ITGA1: variants seen among roughly 807,000 people sequenced by gnomAD.
The protein encoded by ITGA1 is integrin subunit alpha 1, also known as integrin alpha-1.
A neutral mutation model predicts 145.9 loss-of-function variants in ITGA1; 85 were observed. The observed-to-expected ratio is 0.58, with a 90% CI of 0.49 to 0.70. The LOEUF (loss-of-function observed/expected upper bound fraction) is 0.70. ITGA1 is among the 30% of genes least tolerant of loss of function. The pLI is 0.00. For synonymous variants in ITGA1, 520 were observed against 495.3 expected, an observed-to-expected ratio of 1.05 and a Z score of -0.66; for missense variants, 1,351 against 1,418.7, an observed-to-expected ratio of 0.95 and a Z score of 0.77.
intron 1 of ITGA1, among the ~76,000 whole-genome samples, chr5:52,791,531 T>G (rs1476436595): frequency 2.0e-5 from 3 of 152,326 alleles, no homozygotes; most frequent in Admixed American, 6.5e-5. Context: ...GCCTTCCCAT[T>G]GGCCATCCCC....
intron 1 of ITGA1, among the ~76,000 whole-genome samples, chr5:52,807,862 G>T (rs1276919624): frequency 1.3e-5 from 2 of 152,040 alleles, no homozygotes; most frequent in Non-Finnish European, 2.9e-5. Flanking sequence ...ATTAAGTCAT[G>T]CACTATTACA....
chr5:52,895,279 A>G (rs1032378915), intron 9 of ITGA1, among the ~76,000 whole-genome samples: 1 of 152,060 alleles, frequency 6.6e-6, no homozygotes, highest in African/African-American at 2.4e-5. Flanking sequence ...AGAACACTCT[A>G]ATTGTTTATG....
At chr5:52,936,513 T>C (rs1750967099) in intron 23 of ITGA1, among the ~76,000 whole-genome samples, 1 of 152,120 alleles carries the variant, frequency 6.6e-6, no homozygotes, top group Middle Eastern at 3.2e-3. Flanking sequence ...TCTATCTATG[T>C]AGATCAAGGC....
At chr5:52,840,704 T>C (rs1362362725) in intron 1 of ITGA1, among the ~76,000 whole-genome samples, 2 of 152,008 alleles carry the variant, frequency 1.3e-5, no homozygotes, top group East Asian at 3.9e-4. Context: ...TGTAGAAAAA[T>C]TTTAAAGGAA....
intron 6 of ITGA1, among the ~76,000 whole-genome samples, chr5:52,873,354 C>T (rs1212656006): frequency 6.6e-6 from 1 of 152,192 alleles, no homozygotes; most frequent in South Asian, 2.1e-4. Context: ...TTTGTTTTAA[C>T]CTCTCCTATC....
chr5:52,893,003 T>C (rs1051499532), intron 8 of ITGA1, among the ~76,000 whole-genome samples: 21 of 151,616 alleles, frequency 1.4e-4, no homozygotes, highest in African/African-American at 4.9e-4. Context: ...CAATAAACCT[T>C]ACCTTAAAAA....
chr5:52,860,320 G>A (rs1749578211), intron 2 of ITGA1, among the ~76,000 whole-genome samples: 1 of 152,182 alleles, frequency 6.6e-6, no homozygotes, highest in African/African-American at 2.4e-5. Context: ...GGCCAAGGTG[G>A]GCGGATCACG....
chr5:52,904,681 C>G (rs1318726136), intron 11 of ITGA1: 1 of 152,052 alleles, frequency 6.6e-6, no homozygotes, highest in Non-Finnish European at 1.5e-5. Context: ...GGTGAAACCC[C>G]GTCTTACTAA....
At chr5:52,857,652 C>T (rs1749538169) in intron 2 of ITGA1, among the ~76,000 whole-genome samples, 1 of 152,106 alleles carries the variant, frequency 6.6e-6, no homozygotes, top group Non-Finnish European at 1.5e-5. Context: ...TCTGATTACC[C>T]TTGCCTAGTT....
intron 6 of ITGA1, among the ~76,000 whole-genome samples, chr5:52,869,660 C>T (rs1428896469): frequency 6.6e-6 from 1 of 152,126 alleles, no homozygotes; most frequent in African/African-American, 2.4e-5. Context: ...ACAGTAAGTC[C>T]TCAATGAGCA....
At chr5:52,840,322 C>T (rs921626833) in intron 1 of ITGA1, among the ~76,000 whole-genome samples, 24 of 152,134 alleles carry the variant, frequency 1.6e-4, no homozygotes, top group African/African-American at 5.1e-4. Context: ...TACGCCTTTC[C>T]GTATGCAGTG....
intron 2 of ITGA1, among the ~76,000 whole-genome samples, chr5:52,854,093 T>C (rs2111759011): frequency 6.6e-6 from 1 of 152,294 alleles, no homozygotes; most frequent in Admixed American, 6.5e-5. Context: ...ACTGGACCTG[T>C]CTGATCTCAA....
In ITGA1 at chr5:52,913,478, T is replaced by C. The variant is rs1389227850; in HGVS notation, c.1858-1986T>C. On this transcript the variant is annotated intron_variant, in intron 14 of 28. Transcript: ENST00000282588. Reference sequence around the variant, plus strand: ...AACTTCTGTTATTCCTGTTTGTAATTTGTTGTCAGTTAACAGCTCTAATCC... The same window carrying C: ...AACTTCTGTTATTCCTGTTTGTAATCTGTTGTCAGTTAACAGCTCTAATCC... Among the ~76,000 whole-genome samples, 3 of 152,308 alleles carry C rather than the reference T, an allele frequency of 2.0e-5. No individual in the cohort carries two copies. The East Asian group carries it at 5.8e-4, about 29-fold the overall frequency.
chr5:52,951,310 A>G (rs1009847167), intron 28 of ITGA1, among the ~76,000 whole-genome samples: 1 of 152,210 alleles, frequency 6.6e-6, no homozygotes, highest in Non-Finnish European at 1.5e-5. Flanking sequence ...CAAATTTGAA[A>G]AATCACTTAC....
chr5:52,875,286 A>C (rs901108128), intron 6 of ITGA1, among the ~76,000 whole-genome samples: 8 of 148,828 alleles, frequency 5.4e-5, no homozygotes, highest in South Asian at 2.1e-4. Flanking sequence ...AGTATTCCCA[A>C]AAAAAAAAAA....
intron 23 of ITGA1, 129 bp from the exon 24 acceptor site, chr5:52,937,272 T>C (rs1750982205): frequency 3.0e-6 from 2 of 671,864 alleles, no homozygotes; most frequent in Non-Finnish European, 5.3e-6. Context: ...CCATAAAGGA[T>C]CTACATTTGT....
intron 11 of ITGA1, among the ~76,000 whole-genome samples, chr5:52,899,078 C>T (rs1750275684): frequency 6.6e-6 from 1 of 152,114 alleles, no homozygotes; most frequent in Admixed American, 6.6e-5. Context: ...TAAAAAGGAC[C>T]ATCAGGATAT....
At chr5:52,809,617 G>A (rs1748653154) in intron 1 of ITGA1, among the ~76,000 whole-genome samples, 1 of 150,054 alleles carries the variant, frequency 6.7e-6, no homozygotes, top group African/African-American at 2.5e-5. Context: ...CAATTCTCGT[G>A]CCTCACCCTC....
intron 1 of ITGA1, among the ~76,000 whole-genome samples, chr5:52,790,118 G>A (rs533202073): frequency 1.6e-4 from 24 of 152,102 alleles, no homozygotes; most frequent in African/African-American, 3.9e-4. Context: ...TTCAGAGTCC[G>A]TTTGTAACCT....
Sources: gnomAD v4.1 joint callset for allele counts (sites outside exome capture counted in the v4.1 genomes callset) on GRCh38, gnomAD v4.1.1 for gene constraint, MANE v1.5 for transcripts, NCBI Gene and HGNC (gene_info 2026-07-23, HGNC 2026-07-21) for gene names.